The following PTPN3 variants were observed in gnomAD, a reference collection of about 807,000 sequenced individuals.
PTPN3 encodes the protein tyrosine-protein phosphatase non-receptor type 3.
PTPN3 carries 96 observed loss-of-function variants against 132.7 expected under a neutral mutation model. The observed-to-expected ratio is 0.72, with a 90% confidence interval of 0.61 to 0.86. PTPN3 has a LOEUF of 0.86. PTPN3 is among the 40% of genes least tolerant of loss of function. The pLI is 0.00. For synonymous variants in PTPN3, 398 were observed against 429.0 expected (o/e 0.93, Z 0.89); for missense variants, 1,125 against 1,159.6 (o/e 0.97, Z 0.43).
intron 1 of PTPN3, among the ~76,000 whole-genome samples, chr9:109,479,626 G>C (rs980271247): frequency 2.0e-5 from 3 of 152,190 alleles, no homozygotes; most frequent in African/African-American, 7.2e-5. Flanking sequence ...GCCCAGGCTG[G>C]AGTGCAAAGG....
intron 22 of PTPN3, among the ~76,000 whole-genome samples, chr9:109,387,374 G>A (rs1839677575): frequency 6.6e-6 from 1 of 152,160 alleles, no homozygotes; most frequent in Non-Finnish European, 1.5e-5. Flanking sequence ...CAAGAGCAAG[G>A]GGGATTATAG....
At chr9:109,393,065 C>T (rs1761658380) in intron 19 of PTPN3, 1 of 152,210 alleles carries the variant, frequency 6.6e-6, no homozygotes, top group Admixed American at 6.5e-5. Flanking sequence ...ATAATGCATA[C>T]ATTTGTTAAA....
At chr9:109,493,043 C>T (rs906228643) in intron 1 of PTPN3, among the ~76,000 whole-genome samples, 1 of 152,200 alleles carries the variant, frequency 6.6e-6, no homozygotes, top group Non-Finnish European at 1.5e-5. Flanking sequence ...TTTAGAGAAA[C>T]ATCTGTTTTT....
upstream of PTPN3, among the ~76,000 whole-genome samples, chr9:109,501,646 T>G (rs1204433136): frequency 6.6e-6 from 1 of 152,234 alleles, no homozygotes; most frequent in Non-Finnish European, 1.5e-5. Flanking sequence ...ATGGGGCTTT[T>G]GAATGGGCAC....
At chr9:109,456,529 G>A (rs985700525) in intron 4 of PTPN3, among the ~76,000 whole-genome samples, 1 of 152,200 alleles carries the variant, frequency 6.6e-6, no homozygotes, top group African/African-American at 2.4e-5. Context: ...ACTGAGGGGA[G>A]GCACTGGGAG....
chr9:109,500,698 A>G (rs1847852403), upstream of PTPN3, among the ~76,000 whole-genome samples: 1 of 151,784 alleles, frequency 6.6e-6, no homozygotes, highest in Non-Finnish European at 1.5e-5. Context: ...TGGGAGATCC[A>G]GGTGAGAAGG....
intron 2 of PTPN3, among the ~76,000 whole-genome samples, chr9:109,457,797 C>T (rs558120512): frequency 4.5e-4 from 69 of 152,300 alleles, no homozygotes; most frequent in African/African-American, 1.7e-3. Context: ...ACCTGTGGCT[C>T]CTACTCCTGG....
At chr9:109,501,330 T>C (rs989084461), upstream of PTPN3, among the ~76,000 whole-genome samples, 22 of 152,184 alleles carry the variant, frequency 1.4e-4, no homozygotes, top group African/African-American at 5.3e-4. Flanking sequence ...GTCAATCTGA[T>C]CTCAAAGTCA....
At chr9:109,523,231 C>G in the PTPN3 span, among the ~76,000 whole-genome samples, 2 of 151,958 alleles carry the variant, frequency 1.3e-5, no homozygotes, top group African/African-American at 4.8e-5. Context: ...TCTCCTGCCT[C>G]AGCCTCCCGA....
the PTPN3 span, among the ~76,000 whole-genome samples, chr9:109,511,746 C>G: frequency 6.6e-6 from 1 of 152,158 alleles, no homozygotes; most frequent in Non-Finnish European, 1.5e-5. Flanking sequence ...TAAGTTTTAG[C>G]AGTGTTTTGT....
intron 5 of PTPN3, chr9:109,450,587 C>T: frequency 1.0e-6 from 1 of 985,076 alleles, no homozygotes; most frequent in Non-Finnish European, 1.2e-6. Context: ...ATAGTGGAAC[C>T]CAACCCGAGC....
At chr9:109,490,050 G>A (rs970642004) in intron 1 of PTPN3, among the ~76,000 whole-genome samples, 1 of 151,952 alleles carries the variant, frequency 6.6e-6, no homozygotes, top group Non-Finnish European at 1.5e-5. Context: ...GGGCGTGGTC[G>A]TGGACACCTG....
intron 19 of PTPN3, chr9:109,392,732 T>G (rs1472861321): frequency 6.6e-6 from 1 of 152,092 alleles, no homozygotes; most frequent in Admixed American, 6.5e-5. Flanking sequence ...GCCTTCCGAG[T>G]AGCTGGGACT....
At chr9:109,447,194 C>T (rs1483423976) in intron 6 of PTPN3, among the ~76,000 whole-genome samples, 1 of 152,110 alleles carries the variant, frequency 6.6e-6, no homozygotes, top group African/African-American at 2.4e-5. Flanking sequence ...AAACTGAAGA[C>T]AACCCATTAT....
At chr9:109,503,183 G>A (rs570932292), upstream of PTPN3, among the ~76,000 whole-genome samples, 302 of 152,318 alleles carry the variant, frequency 2.0e-3, no homozygotes, top group Non-Finnish European at 3.5e-3. Context: ...CATGGAGGGT[G>A]AAGCCCACCC....
At chr9:109,469,258 C>G (rs1041179619) in intron 1 of PTPN3, among the ~76,000 whole-genome samples, 1 of 152,166 alleles carries the variant, frequency 6.6e-6, no homozygotes, top group African/African-American at 2.4e-5. Flanking sequence ...AGCCAATGAA[C>G]CATAGACACA....
At chr9:109,530,598 T>C in the PTPN3 span, among the ~76,000 whole-genome samples, 1 of 152,210 alleles carries the variant, frequency 6.6e-6, no homozygotes, top group Admixed American at 6.5e-5. Flanking sequence ...TGTTGGATCA[T>C]ATGGCAATTC....
chr9:109,386,876 T>G (rs1329167176), intron 22 of PTPN3, among the ~76,000 whole-genome samples: 1 of 152,074 alleles, frequency 6.6e-6, no homozygotes, highest in Non-Finnish European at 1.5e-5. Flanking sequence ...TGGGGGAGCC[T>G]CTAGGCCAGG....
chr9:109,383,900 C>A (rs1302366928), intron 22 of PTPN3, among the ~76,000 whole-genome samples: 2 of 151,706 alleles, frequency 1.3e-5, no homozygotes, highest in East Asian at 3.9e-4. Flanking sequence ...GCCCCTCAGG[C>A]CCCTCCCCAC....
Sources: gnomAD v4.1 joint callset for allele counts (sites outside exome capture counted in the v4.1 genomes callset) on GRCh38, gnomAD v4.1.1 for gene constraint, MANE v1.5 for transcripts, NCBI Gene and HGNC (gene_info 2026-07-23, HGNC 2026-07-21) for gene names.